The following ZFHX2 variants were observed in gnomAD, a reference collection of about 807,000 sequenced individuals.
ZFHX2 encodes zinc finger homeobox protein 2.
In ZFHX2, 75 loss-of-function variants were observed where a neutral mutation model predicts 164.8. The observed-to-expected ratio is 0.46, with a 90% CI of 0.38 to 0.55. ZFHX2 has a LOEUF of 0.55. Among genes scored for constraint, ZFHX2 ranks in the 20% least tolerant of loss-of-function variants. The pLI is 0.00. For synonymous variants in ZFHX2, 1,217 were observed against 1,351.4 expected, an observed-to-expected ratio of 0.90 and a Z score of 2.18; for missense variants, 2,933 against 3,308.0, an observed-to-expected ratio of 0.89 and a Z score of 2.78.
chr14:23,528,001 G>T (rs780245121), intron 6 of ZFHX2, among the ~76,000 whole-genome samples, 197 bp from the exon 7 acceptor site: 2 of 150,828 alleles, frequency 1.3e-5, no homozygotes, highest in Middle Eastern at 3.2e-3. Flanking sequence ...CCGCCTTCCA[G>T]GTTCAAGCAA....
Position 23,532,590 on chromosome 14 carries a change from C to T in ZFHX2, c.2536G>A (p.Glu846Lys), listed in dbSNP as rs267603957. The part of the protein sequence containing the change: ...MQLHARGAAH[E>K]ENSQIYKFLL... ...ACCTTATAGATTTGGCTGTTTTCTTCGTGGGCTGCACCCCTGGCATGCAGC... is the reference window on the plus strand; with the variant it reads ...ACCTTATAGATTTGGCTGTTTTCTTTGTGGGCTGCACCCCTGGCATGCAGC... Residue 846 changes from glutamate to lysine, a missense_variant, in exon 3 of 10, where the codon GAA becomes AAA. Physicochemically the swap from Glu to Lys is moderately conservative, Grantham distance 56 (BLOSUM62 1). Transcript: ENST00000419474. 33 of 1,443,022 alleles carry T rather than the reference C, an allele frequency of 2.3e-5. No homozygotes were observed. Among genetic ancestry groups the T allele is most frequent in the Non-Finnish European group, 2.7e-5 (30 of 1,101,926 alleles). 89.4% of individuals were successfully genotyped at this position (1,443,022 alleles called of 1,614,324 possible). A position where few individuals can be genotyped will look rare whatever the true frequency, so the allele number is the denominator to read the frequency against.
At chr14:23,529,524 C>G (rs1343809380) in intron 6 of ZFHX2, 186 bp downstream of exon 6, 2 of 614,302 alleles carry the variant, frequency 3.3e-6, no homozygotes, top group Admixed American at 2.6e-5. Context: ...CTTGACCCTG[C>G]TGGGCCAGCT....
At position 23,533,946 on chromosome 14, in the gene ZFHX2, C is replaced by A. The variant is rs1286424207; in HGVS notation, c.1380G>T (p.Trp460Cys). 2.6e-6 allele frequency: 4 copies of A among 1,538,028 alleles called. No individual in the cohort carries two copies. The highest frequency in any genetic ancestry group is 4.9e-5 in the East Asian group (2 of 40,920). ...CCAGGGTCTGCTGGTACTTGTAGTG[C>A]CAGTTGCACTTGGGACACTTGAGTG... ...CKTLKCPKCN[W>C]HYKYQQTLDV... Residue 460 changes from tryptophan (W) to cysteine (C), a missense_variant, in exon 2 of 10, where the codon TGG (tryptophan) becomes TGT (cysteine). Physicochemically the swap from Trp to Cys is radical, Grantham distance 215. Coordinates refer to ENST00000419474, the MANE Select transcript of ZFHX2 (RefSeq NM_033400.3). This position sits in a 1 kb window ranked among gnomAD's most constrained non-coding sequence, Gnocchi z 4.8.
chr14:23,527,895 C>T lies in ZFHX2; in HGVS notation c.2935-91G>A. 2.7e-6 allele frequency: 3 copies of T among 1,121,558 alleles called. No individual in the cohort carries two copies. The South Asian group carries it at 4.9e-5, about 18-fold the overall frequency. 69.5% of individuals were successfully genotyped at this position (1,121,558 alleles called of 1,614,324 possible). On this transcript the variant is annotated intron_variant, in intron 6 of 9. Transcript: ENST00000419474. ...CTTTGGATGCAGCACTGGCCCGCCCCCACTCCTTTTTTTTTTTTTTTTTTT... is the reference window on the plus strand; with the variant it reads ...CTTTGGATGCAGCACTGGCCCGCCCTCACTCCTTTTTTTTTTTTTTTTTTT...
At chr14:23,543,857 A>G (rs921631700) in intron 1 of ZFHX2, 5 of 152,106 alleles carry the variant, frequency 3.3e-5, no homozygotes, top group African/African-American at 1.2e-4. Context: ...AACAAAAAAA[A>G]ATAGCCTTTA....
chr14:23,530,677 C>T (rs748412489), intron 4 of ZFHX2: 2 of 341,896 alleles, frequency 5.8e-6, no homozygotes, highest in East Asian at 1.6e-4. Context: ...CGGTGGCAGC[C>T]TAATTAAAGT....
Position 23,534,092 on chromosome 14 carries a change from G to A in ZFHX2, c.1234C>T (p.Pro412Ser), listed in dbSNP as rs1405048567. The part of the protein sequence containing the change: ...LPAPVGSPED[P>S]SDPPQPYRLA... ...CGATAGGGCTGGGGTGGGTCACTGG[G>A]GTCTTCGGGGGAGCCCACTGGGGCA... is the stretch of plus-strand genomic sequence containing the variant. Residue 412 changes from proline (P) to serine (S), a missense_variant, in exon 2 of 10, where the codon CCC becomes TCC. Pro to Ser is a moderately conservative substitution (Grantham distance 74, BLOSUM62 -1). Transcript: ENST00000419474. The surrounding 1 kb of genome is among the most constrained non-coding windows in gnomAD (Gnocchi z 4.5). 2.7e-6 allele frequency: 4 copies of A among 1,500,136 alleles called. No homozygotes were observed. Among genetic ancestry groups the A allele is most frequent in the Non-Finnish European group, 2.7e-6 (3 of 1,127,914 alleles). The allele number at this position is 1,500,136 out of a possible 1,614,324, so 92.9% of individuals were successfully genotyped here.
At chr14:23,554,214 T>C (rs1882178818), upstream of ZFHX2, among the ~76,000 whole-genome samples, 1 of 151,986 alleles carries the variant, frequency 6.6e-6, no homozygotes, top group East Asian at 1.9e-4. Context: ...TCTTATAACA[T>C]AAGGAAAAAT....
rs1175351627 is a variant in ZFHX2, at chr14:23,524,959, TGGCATGGACCCACCCTCACA to T, written c.4963_4982del (p.Cys1655AsnfsTer23). On this transcript the variant is annotated frameshift_variant, in exon 9 of 10. Transcript: ENST00000419474. LOFTEE classifies it high-confidence loss of function. This position sits in a 1 kb window ranked among gnomAD's most constrained non-coding sequence, Gnocchi z 5.6. ...AGGCTCCCCCAGTGCCTCCTCCGGT[TGGCATGGACCCACCCTCACA>T]GGCATTTTTGCGTGCTTTCTGGCGG... is the stretch of plus-strand genomic sequence containing the variant. 1 of 1,536,242 alleles carries T rather than the reference TGGCATGGACCCACCCTCACA, an allele frequency of 6.5e-7. No individual in the cohort carries two copies. The highest frequency in any genetic ancestry group is 8.7e-7 in the Non-Finnish European group (1 of 1,146,934).
Position 23,521,130 on chromosome 14 carries a change from A to AAAG in ZFHX2, c.*829_*831dup, listed in dbSNP as rs1877925160. The AAAG allele has an allele frequency of 6.6e-6, 1 of 152,204 alleles. No individual in the cohort carries two copies. Among genetic ancestry groups the AAAG allele is most frequent in the Admixed American group, 6.5e-5 (1 of 15,276 alleles). 9.4% of individuals were successfully genotyped at this position (152,204 alleles called of 1,614,324 possible). ...GGCCGCTGAGAGGATCTCTGTGTTTAAAGCCTTTGAGAATAAGTTACTGCA... is the reference window on the plus strand; with the variant it reads ...GGCCGCTGAGAGGATCTCTGTGTTTAAAGAAGCCTTTGAGAATAAGTTACTGCA... On this transcript the variant is annotated 3_prime_UTR_variant, in exon 10 of 10. Transcript: ENST00000419474.
At chr14:23,530,406 A>C (rs1879386461) in intron 4 of ZFHX2, 1 of 678,166 alleles carries the variant, frequency 1.5e-6, no homozygotes, top group Non-Finnish European at 2.6e-6. Context: ...AGGGCCTAAG[A>C]GATCATTTTA....
chr14:23,542,265 A>C (rs1208778547), intron 1 of ZFHX2: 2 of 152,522 alleles, frequency 1.3e-5, no homozygotes, highest in African/African-American at 4.8e-5. Flanking sequence ...GGTGGGCATG[A>C]GTAGATTGGG....
chr14:23,526,680 C>T lies in ZFHX2; in HGVS notation c.3263-1G>A. On this transcript the variant is annotated splice_acceptor_variant, in intron 8 of 9. Coordinates refer to ENST00000419474, the MANE Select transcript of ZFHX2 (RefSeq NM_033400.3). LOFTEE classifies it high-confidence loss of function. ...GCTTCTGGGGTCAGGTTAGGGCCTT[C>T]TAGGGGAGAGAGAAGAAAGTACAAT... 1 of 1,535,830 alleles carries T rather than the reference C, an allele frequency of 6.5e-7. No homozygotes were observed. The highest frequency in any genetic ancestry group is 8.7e-7 in the Non-Finnish European group (1 of 1,146,834).
chr14:23,524,535 G>T lies in ZFHX2; in HGVS notation c.5407C>A (p.Gln1803Lys), dbSNP rs933053923. Reference protein sequence around the residue: ...LPSLQPSAPPQLLDLPLLVFG... With the variant: ...LPSLQPSAPPKLLDLPLLVFG... ...ACCAGCAAGGGCAGATCTAGGAGTT[G>T]GGGGGGAGCACTGGGCTGCAGAGAT... is the stretch of plus-strand genomic sequence containing the variant. The change falls in exon 9 of 10, where the codon CAA becomes AAA. Residue 1803 changes from glutamine (Q) to lysine (K), a missense_variant. By Grantham distance (53) the Gln-to-Lys change is moderately conservative. Coordinates refer to ENST00000419474, the MANE Select transcript of ZFHX2 (RefSeq NM_033400.3). This position sits in a 1 kb window ranked among gnomAD's most constrained non-coding sequence, Gnocchi z 5.6. 3.3e-6 allele frequency: 5 copies of T among 1,525,350 alleles called. No individual in the cohort carries two copies. Among genetic ancestry groups the T allele is most frequent in the Non-Finnish European group, 4.4e-6 (5 of 1,140,982 alleles). The allele number at this position is 1,525,350 out of a possible 1,614,324, so 94.5% of individuals were successfully genotyped here.
Position 23,525,986 on chromosome 14 carries a change from C to A in ZFHX2, c.3956G>T (p.Gly1319Val). 2 of 1,521,824 alleles carry A rather than the reference C, an allele frequency of 1.3e-6. No individual in the cohort carries two copies. Among genetic ancestry groups the A allele is most frequent in the Non-Finnish European group, 1.8e-6 (2 of 1,139,376 alleles). 94.3% of individuals were successfully genotyped at this position (1,521,824 alleles called of 1,614,324 possible). A position where few individuals can be genotyped will look rare whatever the true frequency, so the allele number is the denominator to read the frequency against. ...KGPDTSGFISGLPFLSPPPPP... is the reference protein window; with the variant it reads ...KGPDTSGFISVLPFLSPPPPP... Reference sequence around the variant, plus strand: ...TGGGGGAGGGGACAGGAAAGGCAATCCAGATATGAAGCCACTGGTGTCAGG... The same window carrying A: ...TGGGGGAGGGGACAGGAAAGGCAATACAGATATGAAGCCACTGGTGTCAGG... The change falls in exon 9 of 10, where the codon GGA (glycine) becomes GTA (valine). Residue 1319 changes from glycine (G) to valine (V), a missense_variant. Transcript: ENST00000419474. The surrounding 1 kb of genome is among the most constrained non-coding windows in gnomAD (Gnocchi z 5.9).
Position 23,535,830 on chromosome 14 carries a change from G to C in ZFHX2, c.-49-456C>G, listed in dbSNP as rs1180707994. ...TGGTCTCTAACTCCCGACCTCAAGTGATCCGCCCACCTCGGCCTCCCAAAG... is the reference window on the plus strand; with the variant it reads ...TGGTCTCTAACTCCCGACCTCAAGTCATCCGCCCACCTCGGCCTCCCAAAG... On this transcript the variant is annotated intron_variant, in intron 1 of 9. Coordinates refer to ENST00000419474, the MANE Select transcript of ZFHX2 (RefSeq NM_033400.3). This position sits in a 1 kb window ranked among gnomAD's most constrained non-coding sequence, Gnocchi z 4.5. Among the ~76,000 whole-genome samples the C allele has an allele frequency of 6.6e-6, 1 of 152,126 alleles. No homozygotes were observed. Among genetic ancestry groups the C allele is most frequent in the Non-Finnish European group, 1.5e-5 (1 of 68,022 alleles).
Position 23,533,950 on chromosome 14 carries a change from T to C in ZFHX2, c.1376A>G (p.Asn459Ser). 2 of 1,537,994 alleles carry C rather than the reference T, an allele frequency of 1.3e-6. No individual in the cohort carries two copies. Among genetic ancestry groups the C allele is most frequent in the Non-Finnish European group, 1.7e-6 (2 of 1,147,056 alleles). Residue 459 changes from asparagine to serine, a missense_variant, in exon 2 of 10, where the codon AAC (asparagine) becomes AGC (serine). Asn to Ser is a conservative substitution (Grantham distance 46). Transcript: ENST00000419474. The surrounding 1 kb of genome is among the most constrained non-coding windows in gnomAD (Gnocchi z 4.8). The stretch of plus-strand genomic sequence containing the variant: ...GGTCTGCTGGTACTTGTAGTGCCAG[T>C]TGCACTTGGGACACTTGAGTGTCTT... ...SCKTLKCPKC[N>S]WHYKYQQTLD...
intron 1 of ZFHX2, among the ~76,000 whole-genome samples, chr14:23,541,575 C>T (rs1422172357): frequency 6.6e-6 from 1 of 152,200 alleles, no homozygotes; most frequent in African/African-American, 2.4e-5. Flanking sequence ...GCCTGAGCCA[C>T]CACACCCGGC....
chr14:23,555,430 C>T (rs1471493871), upstream of ZFHX2, among the ~76,000 whole-genome samples: 1 of 152,370 alleles, frequency 6.6e-6, no homozygotes, highest in African/African-American at 2.4e-5. Context: ...GCCTCGTCTT[C>T]TCCTTACGTA....
Sources: gnomAD v4.1 joint callset for allele counts (sites outside exome capture counted in the v4.1 genomes callset) on GRCh38, gnomAD v4.1.1 for gene constraint, Gnocchi (gnomAD v3.1) non-coding constraint, MANE v1.5 for transcripts, NCBI Gene and HGNC (gene_info 2026-07-23, HGNC 2026-07-21) for gene names.